Variants in FGF14 observed in about 807,000 individuals in gnomAD.
FGF14 encodes fibroblast growth factor homologous factor 4.
FGF14 carries 5 observed loss-of-function variants against 25.5 expected under a neutral mutation model. That is an observed-to-expected ratio of 0.20 (90% CI 0.10 to 0.41). The LOEUF (loss-of-function observed/expected upper bound fraction) is 0.41, where lower values mean the gene tolerates loss of function less well. Among genes scored for constraint, FGF14 ranks in the 10% least tolerant of loss-of-function variants. The pLI is 1.00. For missense variants in FGF14, 222 were observed against 320.1 expected, an observed-to-expected ratio of 0.69 and a Z score of 2.34; for synonymous variants, 138 against 118.3, an observed-to-expected ratio of 1.17 and a Z score of -1.08.
intron 1 of FGF14, among the ~76,000 whole-genome samples, chr13:101,955,283 T>C (rs2036443276): frequency 6.6e-6 from 1 of 152,160 alleles, no homozygotes; most frequent in African/African-American, 2.4e-5. Flanking sequence ...CAATTTCCTT[T>C]AAATCGTTCT....
At chr13:102,164,227 T>C (rs552685753) in intron 1 of FGF14, among the ~76,000 whole-genome samples, 37 of 152,306 alleles carry the variant, frequency 2.4e-4, no homozygotes, top group African/African-American at 8.9e-4. Context: ...TTTGGGGATC[T>C]TTCTGTTCCT....
intron 1 of FGF14, among the ~76,000 whole-genome samples, chr13:102,178,805 A>G (rs1055788717): frequency 5.9e-5 from 9 of 152,098 alleles, no homozygotes; most frequent in African/African-American, 1.9e-4. Flanking sequence ...TGAGATATAT[A>G]TATGTGTGTG....
chr13:101,715,276 CT>C lies in FGF14; in HGVS notation c.*7554del, dbSNP rs372298820. 2.0e-3 allele frequency: 648 copies of C among 324,250 alleles called. 7 individuals are homozygous for C. The highest frequency in any genetic ancestry group is 2.8e-3 in the Non-Finnish European group (480 of 174,358). 20.1% of individuals were successfully genotyped at this position (324,250 alleles called of 1,614,324 possible). A position where few individuals can be genotyped will look rare whatever the true frequency, so the allele number is the denominator to read the frequency against. ...ATTCATAAGTCAGATATAACTTGCTCTTTAAGGGAAAACAAAATTGTCACCT... is the reference window on the plus strand; with the variant it reads ...ATTCATAAGTCAGATATAACTTGCTCTTAAGGGAAAACAAAATTGTCACCT... On this transcript the variant is annotated 3_prime_UTR_variant, in exon 5 of 5. Transcript: ENST00000376143.
intron 1 of FGF14, among the ~76,000 whole-genome samples, chr13:102,176,205 G>A (rs890283533): frequency 6.6e-6 from 1 of 151,948 alleles, no homozygotes; most frequent in African/African-American, 2.4e-5. Flanking sequence ...AAGAAAATGT[G>A]GTATTTATAC....
chr13:102,275,250 CTCTCTCTCTCTT>C (rs773392723), intron 1 of FGF14, among the ~76,000 whole-genome samples: 4,236 of 105,780 alleles, frequency 0.04, 219 homozygotes, highest in African/African-American at 0.11. Context: ...CTCTCTCTCT[CTCTCTCTCTCTT>C]TCTCTCTCTC....
At chr13:101,975,945 C>T (rs2139575791) in intron 1 of FGF14, among the ~76,000 whole-genome samples, 1 of 152,318 alleles carries the variant, frequency 6.6e-6, no homozygotes, top group Admixed American at 6.5e-5. Context: ...TTGGGCCTAC[C>T]AACCACGGCC....
At chr13:102,112,235 G>C (rs1183120792) in intron 1 of FGF14, among the ~76,000 whole-genome samples, 3 of 152,164 alleles carry the variant, frequency 2.0e-5, no homozygotes, top group Non-Finnish European at 4.4e-5. Context: ...GTCAGGCTTC[G>C]AGCCCAGGTA....
intron 3 of FGF14, among the ~76,000 whole-genome samples, chr13:101,734,979 A>G (rs2036076822): frequency 6.6e-6 from 1 of 152,154 alleles, no homozygotes; most frequent in Non-Finnish European, 1.5e-5. Flanking sequence ...TTGCCATGTA[A>G]TTTGCAGCAT....
chr13:101,950,292 T>G (rs2476225), intron 1 of FGF14, among the ~76,000 whole-genome samples: 61,303 of 152,046 alleles, frequency 0.4, 14,950 homozygotes, highest in East Asian at 0.71. Context: ...CTGTTACATG[T>G]AGCTGAATGT....
intron 1 of FGF14, among the ~76,000 whole-genome samples, chr13:102,217,336 A>G (rs902063840): frequency 6.6e-6 from 1 of 152,214 alleles, no homozygotes; most frequent in African/African-American, 2.4e-5. Context: ...TTTTATTGCT[A>G]TCTTCTTCCA....
chr13:102,304,289 C>T (rs934628201), intron 1 of FGF14, among the ~76,000 whole-genome samples: 1 of 152,058 alleles, frequency 6.6e-6, no homozygotes, highest in African/African-American at 2.4e-5. Flanking sequence ...TGGTTCAATA[C>T]CTACTCTGTT....
At position 101,722,454 on chromosome 13, in the gene FGF14, T is replaced by G. The variant is rs2035058141; in HGVS notation, c.*377A>C. 3.0e-6 allele frequency: 1 copy of G among 328,140 alleles called. No homozygotes were observed. Among genetic ancestry groups the G allele is most frequent in the African/African-American group, 2.1e-5 (1 of 46,776 alleles). The allele number at this position is 328,140 out of a possible 1,614,324, so 20.3% of individuals were successfully genotyped here. On this transcript the variant is annotated 3_prime_UTR_variant, in exon 5 of 5. Transcript: ENST00000376143. ...TATTTGTGTGCTACAAAATTGAACT[T>G]AAACACATAGATTTCGCTGAAACAG...
At chr13:101,858,818 C>G (rs550849605) in intron 3 of FGF14, among the ~76,000 whole-genome samples, 1 of 152,080 alleles carries the variant, frequency 6.6e-6, no homozygotes, top group Admixed American at 6.6e-5. Context: ...AGCTCTTTTT[C>G]TAATTATAAT....
At chr13:102,000,528 T>C (rs2039434042) in intron 1 of FGF14, among the ~76,000 whole-genome samples, 1 of 152,258 alleles carries the variant, frequency 6.6e-6, no homozygotes, top group Non-Finnish European at 1.5e-5. Flanking sequence ...TTTATAGTTT[T>C]GTGATTTTCA....
At chr13:102,381,429 G>T (rs1221792310) in intron 1 of FGF14, among the ~76,000 whole-genome samples, 4 of 152,184 alleles carry the variant, frequency 2.6e-5, no homozygotes, top group African/African-American at 9.6e-5. Flanking sequence ...GAGGCTCACG[G>T]AAGATTGTTC....
intron 1 of FGF14, among the ~76,000 whole-genome samples, chr13:102,330,260 TCATCTCTTCACCTACCAG>T (rs1944695494): frequency 6.6e-6 from 1 of 152,146 alleles, no homozygotes; most frequent in African/African-American, 2.4e-5. Flanking sequence ...TCCCACAAGT[TCATCTCTTCACCTACCAG>T]CATCTGTGCT....
intron 1 of FGF14, among the ~76,000 whole-genome samples, chr13:102,261,938 T>A (rs1349170603): frequency 6.6e-6 from 1 of 152,112 alleles, no homozygotes; most frequent in Non-Finnish European, 1.5e-5. Flanking sequence ...AGCAACTGTA[T>A]CAGGACGCAT....
intron 1 of FGF14, among the ~76,000 whole-genome samples, chr13:101,879,295 C>G (rs1286930632): frequency 6.6e-6 from 1 of 152,080 alleles, no homozygotes; most frequent in East Asian, 1.9e-4. Context: ...AAACTCTGTG[C>G]TAACAATGAT....
At chr13:101,885,293 G>T (rs2045931920) in intron 1 of FGF14, among the ~76,000 whole-genome samples, 1 of 152,010 alleles carries the variant, frequency 6.6e-6, no homozygotes, top group Non-Finnish European at 1.5e-5. Flanking sequence ...TAGTTACATA[G>T]TCATAGTGTC....
Sources: allele counts gnomAD v4.1 joint callset (sites outside exome capture counted in the v4.1 genomes callset), GRCh38; gene constraint gnomAD v4.1.1; transcripts MANE v1.5; gene names NCBI Gene and HGNC (gene_info 2026-07-23, HGNC 2026-07-21).